CSRNP2: variants seen among roughly 807,000 people sequenced by gnomAD.
CSRNP2 encodes the protein cysteine and serine rich nuclear protein 2, also known as cysteine/serine-rich nuclear protein 2.
Under a neutral mutation model 36.6 loss-of-function variants are expected in CSRNP2, and 11 were observed. The observed-to-expected ratio is 0.30, with a 90% CI of 0.19 to 0.50. The LOEUF (loss-of-function observed/expected upper bound fraction) is 0.50, where lower values mean the gene tolerates loss of function less well. Among genes scored for constraint, CSRNP2 ranks in the 20% least tolerant of loss-of-function variants. The pLI is 0.98. For missense variants in CSRNP2, 483 were observed against 691.4 expected (o/e 0.70, Z 3.38); for synonymous variants, 248 against 275.3 (o/e 0.90, Z 0.98).
rs1416199144 is a variant in CSRNP2, at chr12:51,067,264, GCTT to G, written c.708+406_708+408del. On this transcript the variant is annotated intron_variant, in intron 4 of 4. Transcript: ENST00000228515. This position sits in a 1 kb window ranked among gnomAD's most constrained non-coding sequence, Gnocchi z 4.1. The stretch of plus-strand genomic sequence containing the variant: ...CCTCTTCATCCCTTTCCTAACAGCT[GCTT>G]CTTATCACCTCTGAGAAATGAAACA... 6.6e-6 allele frequency among the ~76,000 whole-genome samples: 1 copy of G among 152,070 alleles called. No individual in the cohort carries two copies. The highest frequency in any genetic ancestry group is 6.6e-5 in the Admixed American group (1 of 15,266).
chr12:51,065,247 C>A (rs1301041573), intron 4 of CSRNP2, among the ~76,000 whole-genome samples: 2 of 152,176 alleles, frequency 1.3e-5, no homozygotes, highest in South Asian at 2.1e-4. Context: ...TTTTTAGCTA[C>A]CTGCTTTATT....
chr12:51,066,928 GT>G (rs1274362673), intron 4 of CSRNP2, among the ~76,000 whole-genome samples: 2 of 151,692 alleles, frequency 1.3e-5, no homozygotes, highest in African/African-American at 4.8e-5. Flanking sequence ...CCAGGCTCAA[GT>G]GATCCTCCTC....
chr12:51,073,622 G>A (rs1480118584), intron 3 of CSRNP2, among the ~76,000 whole-genome samples: 1 of 151,164 alleles, frequency 6.6e-6, no homozygotes, highest in East Asian at 1.9e-4. Context: ...TACTCGGGAG[G>A]CTGAGGCACA....
rs1938457759 is a variant in CSRNP2 at position 51,067,047 on chromosome 12, C to T, written c.708+626G>A. On this transcript the variant is annotated intron_variant, in intron 4 of 4. Coordinates refer to ENST00000228515, the MANE Select transcript of CSRNP2 (RefSeq NM_030809.3). This position sits in a 1 kb window ranked among gnomAD's most constrained non-coding sequence, Gnocchi z 4.1. ...GCTTAGCCATGTTGCCCAGGCTGGT[C>T]TCGAACTCCTGGGAAGCAATCTGCC... 6.6e-6 allele frequency among the ~76,000 whole-genome samples: 1 copy of T among 151,992 alleles called. No homozygotes were observed. Among genetic ancestry groups the T allele is most frequent in the Non-Finnish European group, 1.5e-5 (1 of 67,998 alleles).
In CSRNP2 at chr12:51,064,530, T is replaced by G; in HGVS notation, c.848A>C (p.Gln283Pro). 6.2e-7 allele frequency: 1 copy of G among 1,613,404 alleles called. No homozygotes were observed. Among genetic ancestry groups the G allele is most frequent in the Non-Finnish European group, 8.5e-7 (1 of 1,179,656 alleles). Residue 283 changes from glutamine to proline, a missense_variant, in exon 5 of 5, where the codon CAG (glutamine) becomes CCG (proline). Physicochemically the swap from Gln to Pro is moderately conservative, Grantham distance 76 (BLOSUM62 -1). Coordinates refer to ENST00000228515, the MANE Select transcript of CSRNP2 (RefSeq NM_030809.3). Reference protein sequence around the residue: ...IMKLELESKRQVSRPAAPDEE... With the variant: ...IMKLELESKRPVSRPAAPDEE... ...ATCTGGGGCTGCTGGGCGGCTCACC[T>G]GCCGCTTGCTCTCCAGCTCCAGCTT...
chr12:51,067,369 T>C lies in CSRNP2; in HGVS notation c.708+304A>G, dbSNP rs1446463037. 6.6e-6 allele frequency among the ~76,000 whole-genome samples: 1 copy of C among 152,022 alleles called. No homozygotes were observed. Among genetic ancestry groups the C allele is most frequent in the African/African-American group, 2.4e-5 (1 of 41,354 alleles). On this transcript the variant is annotated intron_variant, in intron 4 of 4. Coordinates refer to ENST00000228515, the MANE Select transcript of CSRNP2 (RefSeq NM_030809.3). The surrounding 1 kb of genome is among the most constrained non-coding windows in gnomAD (Gnocchi z 4.1). ...TTTGCAAAAATTTTAAGAGACAGGG[T>C]CTCACTCTGTGACCCAGGCTGGCGT...
chr12:51,076,263 G>C (rs978304701), intron 2 of CSRNP2, 148 bp downstream of exon 2: 12 of 801,024 alleles, frequency 1.5e-5, no homozygotes, highest in Non-Finnish European at 2.3e-5. Context: ...TTTAGTCTAC[G>C]GTATGAGAGA....
intron 1 of CSRNP2, chr12:51,082,981 G>C (rs1939699698): frequency 6.6e-6 from 1 of 152,446 alleles, no homozygotes. Context: ...ATTTTCCTCT[G>C]TTCCCCCTCC....
intron 4 of CSRNP2, 103 bp from the exon 5 acceptor site, chr12:51,064,772 C>A: frequency 1.9e-6 from 2 of 1,031,802 alleles, no homozygotes; most frequent in East Asian, 2.6e-5. Flanking sequence ...TTGAGGTCTC[C>A]TTGTAAGAAG....
chr12:51,075,152 AC>A (rs1055809575), intron 2 of CSRNP2, among the ~76,000 whole-genome samples: 1 of 151,886 alleles, frequency 6.6e-6, no homozygotes, highest in Admixed American at 6.6e-5. Flanking sequence ...TTGCTCTGTC[AC>A]CCAGGCTAGA....
intron 1 of CSRNP2, among the ~76,000 whole-genome samples, chr12:51,080,050 G>C (rs1939566175): frequency 7.5e-6 from 1 of 133,460 alleles, no homozygotes; most frequent in African/African-American, 2.9e-5. Flanking sequence ...TCCAGCCTGG[G>C]CGGCAGAGTA....
intron 2 of CSRNP2, among the ~76,000 whole-genome samples, chr12:51,074,721 A>G (rs1289775452): frequency 3.3e-5 from 5 of 152,182 alleles, no homozygotes; most frequent in Non-Finnish European, 7.3e-5. Flanking sequence ...CCAATACAGC[A>G]GCTACTAGCC....
chr12:51,067,249 C>T lies in CSRNP2; in HGVS notation c.708+424G>A, dbSNP rs1243709837. The stretch of plus-strand genomic sequence containing the variant: ...TTAAATGTACTAACTCCTCTTCATC[C>T]CTTTCCTAACAGCTGCTTCTTATCA... On this transcript the variant is annotated intron_variant, in intron 4 of 4. Transcript: ENST00000228515. This position sits in a 1 kb window ranked among gnomAD's most constrained non-coding sequence, Gnocchi z 4.1. Among the ~76,000 whole-genome samples the T allele has an allele frequency of 6.6e-6, 1 of 151,326 alleles. No homozygotes were observed. Among genetic ancestry groups the T allele is most frequent in the Non-Finnish European group, 1.5e-5 (1 of 67,542 alleles).
chr12:51,079,657 A>G (rs979699500), intron 1 of CSRNP2, among the ~76,000 whole-genome samples: 1 of 150,714 alleles, frequency 6.6e-6, no homozygotes, highest in African/African-American at 2.4e-5. Context: ...CCTGTAATCC[A>G]GCTACTCAGG....
At chr12:51,083,018 A>T (rs750473580) in intron 1 of CSRNP2, 1 of 151,816 alleles carries the variant, frequency 6.6e-6, no homozygotes, top group Non-Finnish European at 1.5e-5. Flanking sequence ...TCCATCCTAC[A>T]TCATTCTCCA....
chr12:51,072,608 G>A (rs1939221685), intron 3 of CSRNP2, among the ~76,000 whole-genome samples: 1 of 109,304 alleles, frequency 9.1e-6, no homozygotes, highest in Non-Finnish European at 1.9e-5. Flanking sequence ...GCTATGAAGA[G>A]CCATGTAAGG....
At position 51,078,436 on chromosome 12, in the gene CSRNP2, A is replaced by C. The variant is rs375625523; in HGVS notation, c.-86-1789T>G. On this transcript the variant is annotated intron_variant, in intron 1 of 4. Transcript: ENST00000228515. ...AAGTATTTGATAAAAACTGTAATTA[A>C]ATTAAAAAACGAGCCCAAAGTATCA... is the stretch of plus-strand genomic sequence containing the variant. Among the ~76,000 whole-genome samples the C allele has an allele frequency of 5.3e-5, 8 of 152,220 alleles. No individual in the cohort carries two copies. In the East Asian group the frequency reaches 7.7e-4, roughly 15 times the overall value.
chr12:51,063,874 A>T lies in CSRNP2; in HGVS notation c.1504T>A (p.Ser502Thr), dbSNP rs1277522514. The change falls in exon 5 of 5, where the codon TCC becomes ACC. Residue 502 changes from serine (S) to threonine (T), a missense_variant. Transcript: ENST00000228515. ...EEPENEDFHP[S>T]WSPSSLPFRT... ...AAGGGGAGGCTTGAGGGGGACCAGG[A>T]AGGGTGGAAGTCTTCATTTTCAGGC... 2 of 1,613,928 alleles carry T rather than the reference A, an allele frequency of 1.2e-6. No individual in the cohort carries two copies. Among genetic ancestry groups the T allele is most frequent in the Non-Finnish European group, 1.7e-6 (2 of 1,180,014 alleles).
chr12:51,065,942 T>C (rs1938181116), intron 4 of CSRNP2, among the ~76,000 whole-genome samples: 1 of 152,210 alleles, frequency 6.6e-6, no homozygotes, highest in South Asian at 2.1e-4. Context: ...ACACCCTCAA[T>C]AATTAAGTTC....
Sources: gnomAD v4.1 joint callset for allele counts (sites outside exome capture counted in the v4.1 genomes callset) on GRCh38, gnomAD v4.1.1 for gene constraint, Gnocchi (gnomAD v3.1) non-coding constraint, MANE v1.5 for transcripts, NCBI Gene and HGNC (gene_info 2026-07-23, HGNC 2026-07-21) for gene names.